TTN: variants seen among roughly 807,000 people sequenced by gnomAD.
TTN encodes the protein titin.
TTN carries 1,525 observed loss-of-function variants against 3,223.0 expected under a neutral mutation model. That is an observed-to-expected ratio of 0.47 (90% CI 0.45 to 0.49). The LOEUF (loss-of-function observed/expected upper bound fraction) is 0.49, where lower values mean the gene tolerates loss of function less well. TTN is among the 20% of genes least tolerant of loss of function. The pLI is 0.00. For missense variants in TTN, 40,786 were observed against 43,424.0 expected (o/e 0.94, Z 5.40); for synonymous variants, 14,094 against 15,161.0 (o/e 0.93, Z 5.17).
chr2:178,586,654 G>A lies in TTN; in HGVS notation c.64247C>T (p.Thr21416Ile). 1 of 1,613,132 alleles carries A rather than the reference G, an allele frequency of 6.2e-7. No individual in the cohort carries two copies. The highest frequency in any genetic ancestry group is 1.1e-5 in the South Asian group (1 of 91,062). Reference sequence around the variant, plus strand: ...CAGATCTTTTACCACTGAGTACTCTGTCCAGCGATCTGCAGGCTGCTCTTC... The same window carrying A: ...CAGATCTTTTACCACTGAGTACTCTATCCAGCGATCTGCAGGCTGCTCTTC... ...REEEQPADRW[T>I]EYSVVKDLSL... Residue 21416 changes from threonine (T) to isoleucine (I), a missense_variant, in exon 308 of 363, where the codon ACA becomes ATA. Coordinates refer to ENST00000589042, the MANE Select transcript of TTN (RefSeq NM_001267550.2).
At position 178,802,325 on chromosome 2, in the gene TTN, C is replaced by T. The variant is rs752216002; in HGVS notation, c.108G>A (p.Glu36=). ...CCTGGCCATCCCTAAACCAGCTCAC[C>T]TCAGGAACTGGAAAACCTGAAGAGC... ...EAHISGFPVP[E]VSWFRDGQVI... The change falls in exon 3 of 363, where the codon GAG becomes GAA. Residue 36 remains glutamate (E), a synonymous_variant. Transcript: ENST00000589042. The T allele has an allele frequency of 2.5e-6, 4 of 1,614,082 alleles. No individual in the cohort carries two copies. The Admixed American group carries it at 5.0e-5, about 20-fold the overall frequency.
Position 178,764,194 on chromosome 2 carries a change from C to T in TTN, c.10097G>A (p.Cys3366Tyr). ...TSEGQPARFQ[C>Y]RVSGTDLKVS... Reference sequence around the variant, plus strand: ...AAACCTACCTGTTCCAGAAACCCGGCATTGAAAACGGGCTGGCTGCCCTTC... The same window carrying T: ...AAACCTACCTGTTCCAGAAACCCGGTATTGAAAACGGGCTGGCTGCCCTTC... Residue 3366 changes from cysteine (C) to tyrosine (Y), a missense_variant, in exon 43 of 363, where the codon TGC (cysteine) becomes TAC (tyrosine). Cys to Tyr is a radical substitution (Grantham distance 194). Coordinates refer to ENST00000589042, the MANE Select transcript of TTN (RefSeq NM_001267550.2). The T allele has an allele frequency of 6.2e-7, 1 of 1,614,092 alleles. No homozygotes were observed. Among genetic ancestry groups the T allele is most frequent in the Non-Finnish European group, 8.5e-7 (1 of 1,179,978 alleles).
rs141259583 is a variant in TTN, at chr2:178,768,084, A to G, written c.9235T>C (p.Cys3079Arg). 3 of 1,614,006 alleles carry G rather than the reference A, an allele frequency of 1.9e-6. No individual in the cohort carries two copies. The highest frequency in any genetic ancestry group is 1.6e-4 in the Middle Eastern group (1 of 6,084). The change falls in exon 39 of 363, where the codon TGT (cysteine) becomes CGT (arginine). Residue 3079 changes from cysteine to arginine, a missense_variant. Coordinates refer to ENST00000589042, the MANE Select transcript of TTN (RefSeq NM_001267550.2). Reference sequence around the variant, plus strand: ...GTGATGTCAGGTTCAGAAACTTCACATTCAAACATGGCTCGCTTCTTCTCC... The same window carrying G: ...GTGATGTCAGGTTCAGAAACTTCACGTTCAAACATGGCTCGCTTCTTCTCC... ...VLEKKRAMFE[C>R]EVSEPDITVQ... is the part of the protein sequence containing the mutation.
chr2:178,773,243 G>GGC lies in TTN; in HGVS notation c.7719_7720dup (p.Pro2574ArgfsTer17), dbSNP rs2154344521. On this transcript the variant is annotated frameshift_variant, in exon 33 of 363. Coordinates refer to ENST00000589042, the MANE Select transcript of TTN (RefSeq NM_001267550.2). LOFTEE classifies it high-confidence loss of function. ...TGCTTCAATTTTATATTTAGAACTG[G>GGC]GCTTGATTTCCTTGTCCTTAAAATT... 6.2e-7 allele frequency: 1 copy of GGC among 1,613,664 alleles called. No individual in the cohort carries two copies. The highest frequency in any genetic ancestry group is 8.5e-7 in the Non-Finnish European group (1 of 1,179,912).
At position 178,621,985 on chromosome 2, in the gene TTN, A is replaced by G. The variant is rs370413913; in HGVS notation, c.44937T>C (p.Ala14979=). 65 of 1,609,370 alleles carry G rather than the reference A, an allele frequency of 4.0e-5. No homozygotes were observed. The highest frequency in any genetic ancestry group is 4.9e-5 in the Non-Finnish European group (58 of 1,177,560). The change falls in exon 244 of 363, where the codon GCT becomes GCC. Residue 14979 remains alanine, a synonymous_variant. Coordinates refer to ENST00000589042, the MANE Select transcript of TTN (RefSeq NM_001267550.2). Reference sequence around the variant, plus strand: ...CATATTTTTTGCCCTTTTTAATTTCAGCACCATCTTTAAACCACTTAACCT... The same window carrying G: ...CATATTTTTTGCCCTTTTTAATTTCGGCACCATCTTTAAACCACTTAACCT... ...NAKVKWFKDG[A]EIKKGKKYDI...
Position 178,532,412 on chromosome 2 carries a change from T to C in TTN, c.104203A>G (p.Thr34735Ala), listed in dbSNP as rs1451123812. The part of the protein sequence containing the change: ...DFRYSTYHIP[T>A]KAEASTSYAE... ...TAACTTGTACTAGCTTCAGCCTTCGTTGGGATGTGATAGGTTGAATACCTG... is the reference window on the plus strand; with the variant it reads ...TAACTTGTACTAGCTTCAGCCTTCGCTGGGATGTGATAGGTTGAATACCTG... The change falls in exon 358 of 363, where the codon ACG (threonine) becomes GCG (alanine). Residue 34735 changes from threonine (T) to alanine (A), a missense_variant. Physicochemically the swap from Thr to Ala is moderately conservative, Grantham distance 58 (BLOSUM62 0). Coordinates refer to ENST00000589042, the MANE Select transcript of TTN (RefSeq NM_001267550.2). 4.3e-6 allele frequency: 7 copies of C among 1,613,952 alleles called. No homozygotes were observed. The highest frequency in any genetic ancestry group is 5.9e-6 in the Non-Finnish European group (7 of 1,179,848).
chr2:178,756,342 C>A lies in TTN; in HGVS notation c.11134G>T (p.Gly3712Ter). 1 of 1,613,840 alleles carries A rather than the reference C, an allele frequency of 6.2e-7. No homozygotes were observed. The highest frequency in any genetic ancestry group is 8.5e-7 in the Non-Finnish European group (1 of 1,179,794). The change falls in exon 46 of 363, where the codon GGA (glycine) becomes TGA (stop). Residue 3712 changes from glycine to a stop codon, truncating the protein, a stop_gained. Transcript: ENST00000589042. LOFTEE classifies it high-confidence loss of function. Reference sequence around the variant, plus strand: ...CATATGGTAAGAAACTGAATATTTCCATTTTGTGATTGTTTCAGTCTCTCG... The same window carrying A: ...CATATGGTAAGAAACTGAATATTTCAATTTTGTGATTGTTTCAGTCTCTCG... ...ESERLKQSQN[G>*]NIQFLTICNV...
chr2:178,685,319 G>T lies in TTN; in HGVS notation c.32404C>A (p.Gln10802Lys). 6.4e-7 allele frequency: 1 copy of T among 1,551,032 alleles called. No individual in the cohort carries two copies. Among genetic ancestry groups the T allele is most frequent in the Non-Finnish European group, 8.7e-7 (1 of 1,146,858 alleles). Reference sequence around the variant, plus strand: ...GGTTTCAGTACAATTTTCTTCTCCTGCCTCTCTGTCACTTGAAAAGATTAT... The same window carrying T: ...GGTTTCAGTACAATTTTCTTCTCCTTCCTCTCTGTCACTTGAAAAGATTAT... Reference protein sequence around the residue: ...EAEPAEVTERQEKKIVLKPKI... With the variant: ...EAEPAEVTERKEKKIVLKPKI... The change falls in exon 129 of 363, where the codon CAG becomes AAG. Residue 10802 changes from glutamine (Q) to lysine (K), a missense_variant. Transcript: ENST00000589042.
intron 3 of TTN, among the ~76,000 whole-genome samples, chr2:178,801,880 A>G (rs2094083323): frequency 6.6e-6 from 1 of 152,200 alleles, no homozygotes; most frequent in Non-Finnish European, 1.5e-5. Context: ...GATTTTTAAT[A>G]TTTCCTTAAC....
rs1314063090 is a variant in TTN, at chr2:178,576,136, A to G, written c.69996T>C (p.Asp23332=). ...AGVGEPAVIP[D]VEIVEREMAP... ...CCATCTCCCGTTCTACGATTTCAAC[A>G]TCTGGAATCACCGCTGGCTCCCCAA... The change falls in exon 326 of 363, where the codon GAT becomes GAC. Residue 23332 remains aspartate, a synonymous_variant. Transcript: ENST00000589042. The surrounding 1 kb of genome is among the most constrained non-coding windows in gnomAD (Gnocchi z 4.3). 1.2e-6 allele frequency: 2 copies of G among 1,613,312 alleles called. No homozygotes were observed. The highest frequency in any genetic ancestry group is 1.7e-6 in the Non-Finnish European group (2 of 1,179,578).
intron 143 of TTN, 39 bp downstream of exon 143, chr2:178,678,708 T>C: frequency 6.3e-7 from 1 of 1,576,108 alleles, no homozygotes; most frequent in Non-Finnish European, 8.7e-7. Flanking sequence ...CATATGCAAA[T>C]GTGAAATAAA....
chr2:178,784,173 T>C lies in TTN; in HGVS notation c.2672A>G (p.Lys891Arg), dbSNP rs1169353533. The change falls in exon 16 of 363, where the codon AAG becomes AGG. Residue 891 changes from lysine to arginine, a missense_variant. Lys to Arg is a conservative substitution (Grantham distance 26). Transcript: ENST00000589042. ...FPFADTPDTY[K>R]SEAGVEVKKE... is the part of the protein sequence containing the mutation. ...TTTCACCTCAACGCCAGCTTCACTC[T>C]TGTAAGTATCTGGTGTGTCAGCGAA... 6.2e-7 allele frequency: 1 copy of C among 1,614,158 alleles called. No individual in the cohort carries two copies. The highest frequency in any genetic ancestry group is 8.5e-7 in the Non-Finnish European group (1 of 1,180,014).
intron 180 of TTN, among the ~76,000 whole-genome samples, chr2:178,661,142 A>G (rs2064695579): frequency 9.6e-5 from 1 of 10,384 alleles, no homozygotes; most frequent in Non-Finnish European, 2.1e-4. Context: ...CTAGAACTAG[A>G]AATACCATTT....
At position 178,614,554 on chromosome 2, in the gene TTN, A is replaced by G. The variant is rs1057523898; in HGVS notation, c.48960T>C (p.Asp16320=). 1.5e-5 allele frequency: 24 copies of G among 1,612,260 alleles called. No individual in the cohort carries two copies. The highest frequency in any genetic ancestry group is 2.0e-5 in the Non-Finnish European group (24 of 1,179,148). ...VPKKSTVTIV[D]SKRSDTGTYI... is the part of the protein sequence containing the mutation. ...ATGTGCCAGTGTCACTTCTCTTACT[A>G]TCAACAATAGTCACTGTGGATTTCT... Residue 16320 remains aspartate, a synonymous_variant, in exon 261 of 363, where the codon GAT becomes GAC. Coordinates refer to ENST00000589042, the MANE Select transcript of TTN (RefSeq NM_001267550.2).
Position 178,735,646 on chromosome 2 carries a change from A to G in TTN, c.14800T>C (p.Tyr4934His). The G allele has an allele frequency of 6.2e-7, 1 of 1,613,750 alleles. No individual in the cohort carries two copies. The highest frequency in any genetic ancestry group is 8.5e-7 in the Non-Finnish European group (1 of 1,179,804). ...ATTTTATCTTCAAAACAGATCTTAT[A>G]ATCTTTCCCTGGGGGGAGTTTTTGC... Reference protein sequence around the residue: ...DGQKLPPGKDYKICFEDKIAT... With the variant: ...DGQKLPPGKDHKICFEDKIAT... Residue 4934 changes from tyrosine to histidine, a missense_variant, in exon 50 of 363, where the codon TAT becomes CAT. Tyr to His is a moderately conservative substitution (Grantham distance 83, BLOSUM62 2). Coordinates refer to ENST00000589042, the MANE Select transcript of TTN (RefSeq NM_001267550.2).
At chr2:178,639,619 G>T (rs2060958140) in intron 223 of TTN, 80 bp downstream of exon 223, 2 of 1,409,042 alleles carry the variant, frequency 1.4e-6, no homozygotes, top group Non-Finnish European at 2.0e-6. Context: ...CATAAACAGG[G>T]CTTGAATTTT....
At chr2:178,700,197 C>T (rs2074710136) in intron 111 of TTN, among the ~76,000 whole-genome samples, 1 of 152,122 alleles carries the variant, frequency 6.6e-6, no homozygotes, top group African/African-American at 2.4e-5. Context: ...TCTCTGTTCT[C>T]ACAGCTAGAT....
At position 178,583,184 on chromosome 2, in the gene TTN, A is replaced by G. The variant is rs747102394; in HGVS notation, c.65619T>C (p.Leu21873=). ...AGACATTAGTTCCAGCTTTCACAGT[A>G]AGCAAAGATTTCATAGCCACACTCA... ...IDLSVAMKSL[L]TVKAGTNVCL... is the part of the protein sequence containing the mutation. The change falls in exon 313 of 363, where the codon CTT becomes CTC. Residue 21873 remains leucine (L), a synonymous_variant. Coordinates refer to ENST00000589042, the MANE Select transcript of TTN (RefSeq NM_001267550.2). The G allele has an allele frequency of 6.2e-7, 1 of 1,610,678 alleles. No individual in the cohort carries two copies. The highest frequency in any genetic ancestry group is 1.7e-5 in the Admixed American group (1 of 59,876).
chr2:178,581,345 C>T (rs1028052738), intron 316 of TTN, among the ~76,000 whole-genome samples, 154 bp downstream of exon 316: 1 of 151,876 alleles, frequency 6.6e-6, no homozygotes, highest in Admixed American at 6.6e-5. Flanking sequence ...TCCACAATAC[C>T]GTAAAGTACC....
Sources: gnomAD v4.1 joint callset for allele counts (sites outside exome capture counted in the v4.1 genomes callset) on GRCh38, gnomAD v4.1.1 for gene constraint, Gnocchi (gnomAD v3.1) non-coding constraint, MANE v1.5 for transcripts, NCBI Gene and HGNC (gene_info 2026-07-23, HGNC 2026-07-21) for gene names.